The following TEK variants were observed in gnomAD, a reference collection of about 807,000 sequenced individuals.
TEK encodes the protein TEK receptor tyrosine kinase.
In TEK, 43 loss-of-function variants were observed where a neutral mutation model predicts 131.8. The ratio of observed to expected loss-of-function variants is 0.33; its 90% CI spans 0.26 to 0.42. TEK has a LOEUF of 0.42. Among genes scored for constraint, TEK ranks in the 10% least tolerant of loss-of-function variants. The probability of loss-of-function intolerance (pLI) is 1.00; values close to 1 mark genes in which losing one functional copy is unlikely to be tolerated. For synonymous variants in TEK, 580 were observed against 491.6 expected, an observed-to-expected ratio of 1.18 and a Z score of -2.38; for missense variants, 1,162 against 1,384.4, an observed-to-expected ratio of 0.84 and a Z score of 2.55.
chr9:27,126,130 C>T (rs891802497), intron 1 of TEK, among the ~76,000 whole-genome samples: 1 of 152,124 alleles, frequency 6.6e-6, no homozygotes. Flanking sequence ...AATACATAAC[C>T]CTGCTTTATT....
chr9:27,168,575 AAAG>A lies in TEK; in HGVS notation c.453_455del (p.Glu151del), dbSNP rs1823828544. ...CATATCTTTCAAAAAGGTATTGATT[AAAG>A]AAGAAGATGCAGTGATTTACAAAAA... On this transcript the variant is annotated inframe_deletion, in exon 3 of 23. Transcript: ENST00000380036. 6.2e-7 allele frequency: 1 copy of A among 1,613,598 alleles called. No individual in the cohort carries two copies. Among genetic ancestry groups the A allele is most frequent in the Non-Finnish European group, 8.5e-7 (1 of 1,179,602 alleles).
At chr9:27,134,710 G>A (rs1416637708) in intron 1 of TEK, among the ~76,000 whole-genome samples, 1 of 152,142 alleles carries the variant, frequency 6.6e-6, no homozygotes, top group Admixed American at 6.5e-5. Context: ...GAAGGAGTCA[G>A]ATATCATCAT....
At chr9:27,146,887 G>A (rs997057043) in intron 1 of TEK, among the ~76,000 whole-genome samples, 9 of 151,798 alleles carry the variant, frequency 5.9e-5, no homozygotes, top group Non-Finnish European at 7.4e-5. Context: ...CCACCACCAC[G>A]CCCGGCTAAT....
Position 27,209,125 on chromosome 9 carries a change from T to C in TEK, c.2580T>C (p.Tyr860=). The C allele has an allele frequency of 6.2e-7, 1 of 1,610,866 alleles. No homozygotes were observed. The highest frequency in any genetic ancestry group is 8.5e-7 in the Non-Finnish European group (1 of 1,177,104). ...AACCCTTGACTTTCTTCCCAGAATATGCCTCCAAAGATGATCACAGGGACT... is the reference window on the plus strand; with the variant it reads ...AACCCTTGACTTTCTTCCCAGAATACGCCTCCAAAGATGATCACAGGGACT... The part of the protein sequence containing the change: ...MDAAIKRMKE[Y]ASKDDHRDFA... Residue 860 remains tyrosine, a synonymous_variant, in exon 16 of 23, where the codon TAT becomes TAC. Transcript: ENST00000380036.
chr9:27,202,039 C>G (rs1587006923), intron 12 of TEK, among the ~76,000 whole-genome samples: 1 of 152,252 alleles, frequency 6.6e-6, no homozygotes, highest in Admixed American at 6.5e-5. Context: ...ATAGGCTTAG[C>G]CTTTATTGGA....
intron 6 of TEK, 84 bp from the exon 7 acceptor site, chr9:27,180,156 A>C: frequency 1.3e-6 from 2 of 1,590,228 alleles, no homozygotes; most frequent in Non-Finnish European, 1.7e-6. Context: ...TGGCTTAGAG[A>C]GAAAAATAAA....
intron 4 of TEK, among the ~76,000 whole-genome samples, chr9:27,171,606 A>G (rs1337697890): frequency 1.3e-5 from 2 of 152,184 alleles, no homozygotes; most frequent in Non-Finnish European, 2.9e-5. Context: ...AGGCAGGACT[A>G]TTTGGGCTTG....
At chr9:27,128,198 T>G (rs1275356994) in intron 1 of TEK, among the ~76,000 whole-genome samples, 1 of 152,236 alleles carries the variant, frequency 6.6e-6, no homozygotes, top group Non-Finnish European at 1.5e-5. Flanking sequence ...TGCATATGGC[T>G]AGCCAGTTTT....
chr9:27,134,762 C>T (rs989498424), intron 1 of TEK, among the ~76,000 whole-genome samples: 1 of 152,126 alleles, frequency 6.6e-6, no homozygotes, highest in Admixed American at 6.5e-5. Context: ...TGATCCCCTA[C>T]TAGAAGTCAA....
chr9:27,196,745 G>T (rs116927451), intron 11 of TEK, among the ~76,000 whole-genome samples: 5,302 of 151,062 alleles, frequency 0.035, 128 homozygotes, highest in Middle Eastern at 0.061. Flanking sequence ...AAGAGTGAGG[G>T]GGGGCGGTGC....
At chr9:27,127,006 G>T (rs950166593) in intron 1 of TEK, among the ~76,000 whole-genome samples, 3 of 152,054 alleles carry the variant, frequency 2.0e-5, no homozygotes, top group Non-Finnish European at 4.4e-5. Flanking sequence ...TTAAGATCTG[G>T]GGTACATTTT....
chr9:27,170,328 TTAA>T (rs988487246), intron 4 of TEK, among the ~76,000 whole-genome samples: 18 of 152,182 alleles, frequency 1.2e-4, no homozygotes, highest in African/African-American at 4.3e-4. Flanking sequence ...CTAAGGACTC[TTAA>T]TAAACTGATG....
intron 1 of TEK, among the ~76,000 whole-genome samples, chr9:27,118,628 T>G (rs1003019948): frequency 2.0e-5 from 3 of 152,102 alleles, no homozygotes; most frequent in African/African-American, 7.2e-5. Flanking sequence ...TAGTGAGACC[T>G]CATCTTAACA....
intron 1 of TEK, among the ~76,000 whole-genome samples, chr9:27,146,950 T>C (rs576396151): frequency 2.8e-4 from 42 of 152,152 alleles, no homozygotes; most frequent in South Asian, 1.5e-3. Flanking sequence ...AGGATGGTCT[T>C]GATCTCCTGA....
intron 21 of TEK, among the ~76,000 whole-genome samples, chr9:27,220,825 C>T (rs1297993205): frequency 6.6e-6 from 1 of 152,206 alleles, no homozygotes; most frequent in African/African-American, 2.4e-5. Context: ...CCAACAGGGC[C>T]ATGGGTTGCA....
chr9:27,145,395 G>A (rs1258789225), intron 1 of TEK, among the ~76,000 whole-genome samples: 1 of 152,166 alleles, frequency 6.6e-6, no homozygotes, highest in Admixed American at 6.5e-5. Context: ...GCCATGAGCC[G>A]TCCTTCCTTC....
chr9:27,220,399 C>T (rs963860693), intron 21 of TEK, among the ~76,000 whole-genome samples: 1 of 152,172 alleles, frequency 6.6e-6, no homozygotes, highest in Admixed American at 6.5e-5. Context: ...GGAAGGGCAA[C>T]AAATGCAGAA....
intron 9 of TEK, among the ~76,000 whole-genome samples, chr9:27,188,490 G>C: frequency 6.6e-6 from 1 of 152,138 alleles, no homozygotes; most frequent in Admixed American, 6.6e-5. Context: ...TGCATCTGCT[G>C]GTTTAAAGAA....
chr9:27,120,500 C>T (rs1163460650), intron 1 of TEK, among the ~76,000 whole-genome samples: 1 of 152,244 alleles, frequency 6.6e-6, no homozygotes, highest in Non-Finnish European at 1.5e-5. Context: ...ATAATGATCC[C>T]AGGAAGCAAG....
Sources: gnomAD v4.1 joint callset for allele counts (sites outside exome capture counted in the v4.1 genomes callset) on GRCh38, gnomAD v4.1.1 for gene constraint, MANE v1.5 for transcripts, NCBI Gene and HGNC (gene_info 2026-07-23, HGNC 2026-07-21) for gene names.